The following AFDN variants were observed in gnomAD, a reference collection of about 807,000 sequenced individuals.
AFDN encodes afadin, adherens junction formation factor.
In AFDN, 68 loss-of-function variants were observed where a neutral mutation model predicts 216.6. That is an observed-to-expected ratio of 0.31 (90% CI 0.26 to 0.38). AFDN has a LOEUF of 0.38. AFDN is among the 10% of genes least tolerant of loss of function. The pLI is 1.00. For synonymous variants in AFDN, 868 were observed against 853.7 expected (o/e 1.02, Z -0.29); for missense variants, 2,136 against 2,342.0 (o/e 0.91, Z 1.82).
At chr6:167,852,393 A>G (rs1192363939) in intron 1 of AFDN, among the ~76,000 whole-genome samples, 1 of 152,142 alleles carries the variant, frequency 6.6e-6, no homozygotes, top group East Asian at 1.9e-4. Flanking sequence ...TGTATCTTTT[A>G]CAGGGTGGTA....
chr6:167,864,058 C>G (rs866825045), intron 1 of AFDN, among the ~76,000 whole-genome samples: 1 of 152,098 alleles, frequency 6.6e-6, no homozygotes, highest in South Asian at 2.1e-4. Context: ...AGGCTTTTGA[C>G]CCTTGGAGCT....
chr6:167,909,441 A>G (rs1185780992), intron 13 of AFDN, among the ~76,000 whole-genome samples: 1 of 152,256 alleles, frequency 6.6e-6, no homozygotes, highest in East Asian at 1.9e-4. Context: ...TCTGTAAACT[A>G]TTATAAATCT....
chr6:167,862,689 A>T (rs1034800683), intron 1 of AFDN, among the ~76,000 whole-genome samples: 1 of 152,212 alleles, frequency 6.6e-6, no homozygotes, highest in African/African-American at 2.4e-5. Flanking sequence ...TAAAGGTTTT[A>T]GGGTTGCCAG....
chr6:167,830,758 TGTG>T (rs1445861217), intron 1 of AFDN, among the ~76,000 whole-genome samples: 3 of 152,064 alleles, frequency 2.0e-5, no homozygotes, highest in Non-Finnish European at 2.9e-5. Flanking sequence ...CGAGAAGTAA[TGTG>T]GTGATTCATG....
chr6:167,834,457 G>GTTT (rs11446838), intron 1 of AFDN, among the ~76,000 whole-genome samples: 4,979 of 75,086 alleles, frequency 0.066, 457 homozygotes, highest in African/African-American at 0.072. Flanking sequence ...TGTTGTTTCG[G>GTTT]TTTTTTTTTT....
In AFDN at chr6:167,951,241, G is replaced by A. The variant is rs200475003; in HGVS notation, c.3887G>A (p.Arg1296Gln). The change falls in exon 30 of 34, where the codon CGG becomes CAG. Residue 1296 changes from arginine (R) to glutamine (Q), a missense_variant. By Grantham distance (43) the Arg-to-Gln change is conservative. Around this residue, in one of 8 missense-constraint regions of AFDN, gnomAD observed 981 missense variants for 966.0 expected, o/e 1.02. Transcript: ENST00000683244. The surrounding 1 kb of genome is among the most constrained non-coding windows in gnomAD (Gnocchi z 7.1). Reference protein sequence around the residue: ...LREDKAYQLERHRIEAAMDRK... With the variant: ...LREDKAYQLEQHRIEAAMDRK... ...GAAGATAAAGCTTACCAACTTGAGC[G>A]GCATCGAATAGAGGCAGCTATGGAC... 8.9e-5 allele frequency: 143 copies of A among 1,605,296 alleles called. No homozygotes were observed. The highest frequency in any genetic ancestry group is 3.6e-4 in the East Asian group (16 of 44,822).
intron 30 of AFDN, chr6:167,954,643 G>T: frequency 2.0e-6 from 1 of 509,810 alleles, no homozygotes; most frequent in South Asian, 4.2e-5. Context: ...TTAGAAGCAT[G>T]CCTTTGAATG....
chr6:167,960,446 T>G (rs1453688947), intron 30 of AFDN, among the ~76,000 whole-genome samples: 2 of 152,218 alleles, frequency 1.3e-5, no homozygotes, highest in East Asian at 1.9e-4. Context: ...TTAAAAGAAC[T>G]AATTGGTCTA....
rs558995158 is a variant in AFDN at position 167,953,823 on chromosome 6, G to A, written c.4833+1636G>A. Among the ~76,000 whole-genome samples the A allele has an allele frequency of 6.6e-5, 10 of 152,264 alleles. No homozygotes were observed. In the East Asian group the frequency reaches 1.9e-3, roughly 29 times the overall value. ...ATGGATTCGTTAGGATCCTAAGGAC[G>A]TTCATGGCCTTGTGTCACCCACACC... On this transcript the variant is annotated intron_variant, in intron 30 of 33. Coordinates refer to ENST00000683244, the MANE Select transcript of AFDN (RefSeq NM_001386888.1).
Position 167,943,452 on chromosome 6 carries a change from T to C in AFDN, c.3216T>C (p.Ser1072=), listed in dbSNP as rs1377143217. 1 of 1,614,106 alleles carries C rather than the reference T, an allele frequency of 6.2e-7. No homozygotes were observed. Among genetic ancestry groups the C allele is most frequent in the Non-Finnish European group, 8.5e-7 (1 of 1,179,924 alleles). Residue 1072 remains serine (S), a synonymous_variant, in exon 25 of 34, where the codon AGT becomes AGC. Transcript: ENST00000683244. The part of the protein sequence containing the change: ...GDQLLSVDGR[S]LVGLSQERAA... ...AGCTCCTCAGTGTGGATGGACGAAG[T>C]CTGGTTGGACTCTCTCAGGAAAGGT...
At position 167,946,824 on chromosome 6, in the gene AFDN, G is replaced by A; in HGVS notation, c.3476G>A (p.Ser1159Asn). Residue 1159 changes from serine to asparagine, a missense_variant, in exon 27 of 34, where the codon AGT becomes AAT. Coordinates refer to ENST00000683244, the MANE Select transcript of AFDN (RefSeq NM_001386888.1). ...CCTCAGCTGCCTTGGGCAGAATATA[G>A]TGAACCAAAGAAATTGCCTGGTGAT... ...ESPQLPWAEY[S>N]EPKKLPGDDR... is the part of the protein sequence containing the mutation. 5 of 1,612,948 alleles carry A rather than the reference G, an allele frequency of 3.1e-6. No individual in the cohort carries two copies. Among genetic ancestry groups the A allele is most frequent in the Non-Finnish European group, 4.2e-6 (5 of 1,179,760 alleles).
intron 16 of AFDN, chr6:167,913,693 A>C: frequency 3.9e-6 from 2 of 507,192 alleles, no homozygotes; most frequent in East Asian, 6.7e-5. Context: ...TATTCTTTGG[A>C]TCTCATCTGA....
intron 12 of AFDN, 53 bp from the exon 13 acceptor site, chr6:167,907,118 G>A: frequency 2.9e-6 from 4 of 1,374,156 alleles, no homozygotes; most frequent in Middle Eastern, 1.8e-4. Flanking sequence ...TGAGTGTCAA[G>A]CTTGGTTGGT....
intron 2 of AFDN, among the ~76,000 whole-genome samples, chr6:167,868,476 G>A (rs1294213494): frequency 6.6e-6 from 1 of 152,130 alleles, no homozygotes; most frequent in African/African-American, 2.4e-5. Context: ...TTCAAATATG[G>A]ACTAATTGAA....
chr6:167,890,616 G>A (rs183903081), intron 7 of AFDN, among the ~76,000 whole-genome samples: 11 of 151,090 alleles, frequency 7.3e-5, no homozygotes, highest in South Asian at 2.1e-4. Flanking sequence ...GATGTCTTTC[G>A]GTAGCTGTTA....
chr6:167,831,380 A>G (rs886338462), intron 1 of AFDN, among the ~76,000 whole-genome samples: 3 of 152,134 alleles, frequency 2.0e-5, no homozygotes, highest in African/African-American at 7.2e-5. Flanking sequence ...GTTGAATCTC[A>G]TTGGTGGTTA....
Position 167,902,236 on chromosome 6 carries a change from T to A in AFDN, c.1581-81T>A. On this transcript the variant is annotated intron_variant, in intron 11 of 33. Coordinates refer to ENST00000683244, the MANE Select transcript of AFDN (RefSeq NM_001386888.1). ...AATCTTTGACATTTGGTATTTTAGT[T>A]CTTCCTTGTGTATTAAGAAGAGACT... The A allele has an allele frequency of 5.0e-6, 5 of 1,000,352 alleles. No individual in the cohort carries two copies. In the South Asian group the frequency reaches 7.5e-5, roughly 15 times the overall value. The allele number at this position is 1,000,352 out of a possible 1,614,324, so 62.0% of individuals were successfully genotyped here. A position where few individuals can be genotyped will look rare whatever the true frequency, so the allele number is the denominator to read the frequency against.
Position 167,917,317 on chromosome 6 carries a change from T to C in AFDN, c.2709+85T>C, listed in dbSNP as rs1428871754. The C allele has an allele frequency of 2.4e-6, 3 of 1,269,412 alleles. No homozygotes were observed. In the East Asian group the frequency reaches 8.1e-5, roughly 34 times the overall value. 78.6% of individuals were successfully genotyped at this position (1,269,412 alleles called of 1,614,324 possible). On this transcript the variant is annotated intron_variant, in intron 20 of 33. Transcript: ENST00000683244. Reference sequence around the variant, plus strand: ...GATGAAAAAACAAAAGGAAATCCTATTTAATACGTTAACTTATTTATTCTC... The same window carrying C: ...GATGAAAAAACAAAAGGAAATCCTACTTAATACGTTAACTTATTTATTCTC...
chr6:167,914,476 A>G lies in AFDN; in HGVS notation c.2204+163A>G, dbSNP rs148218216. ...AAATGTATTAACTACCTATAGTTAT[A>G]TCCTTAATATAGTTATACTGAATTC... is the stretch of plus-strand genomic sequence containing the variant. On this transcript the variant is annotated intron_variant, in intron 17 of 33. Transcript: ENST00000683244. 4.3e-3 allele frequency among the ~76,000 whole-genome samples: 660 copies of G among 152,336 alleles called. 3 individuals are homozygous for G. The highest frequency in any genetic ancestry group is 0.041 in the Middle Eastern group (12 of 294).
Sources: gnomAD v4.1 joint callset for allele counts (sites outside exome capture counted in the v4.1 genomes callset) on GRCh38, gnomAD v4.1.1 for gene constraint, gnomAD v4.1.1 regional missense constraint, Gnocchi (gnomAD v3.1) non-coding constraint, MANE v1.5 for transcripts, NCBI Gene and HGNC (gene_info 2026-07-23, HGNC 2026-07-21) for gene names.